Variants in FARS2 observed in about 807,000 individuals in gnomAD.
FARS2 encodes phenylalanyl-tRNA synthetase 2, mitochondrial.
Under a neutral mutation model 46.4 loss-of-function variants are expected in FARS2, and 40 were observed. The ratio of observed to expected loss-of-function variants is 0.86; its 90% CI spans 0.67 to 1.12. The LOEUF (loss-of-function observed/expected upper bound fraction) is 1.12. Among genes scored for constraint, FARS2 ranks in the 50% most tolerant of loss-of-function variants. The probability of loss-of-function intolerance (pLI) is 0.00; values close to 1 mark genes in which losing one functional copy is unlikely to be tolerated. For missense variants in FARS2, 513 were observed against 567.9 expected, an observed-to-expected ratio of 0.90 and a Z score of 0.98; for synonymous variants, 234 against 214.9, an observed-to-expected ratio of 1.09 and a Z score of -0.78.
intron 5 of FARS2, among the ~76,000 whole-genome samples, chr6:5,588,540 C>T (rs1432712859): frequency 2.6e-5 from 4 of 152,172 alleles, no homozygotes; most frequent in Non-Finnish European, 4.4e-5. Context: ...GCTGCCCTCT[C>T]CCTCCCCTGC....
chr6:5,260,690 G>A (rs768210600), upstream of FARS2: 2 of 1,547,952 alleles, frequency 1.3e-6, no homozygotes, highest in South Asian at 1.2e-5. Context: ...TCTCAGCATC[G>A]CCCGGTACAG....
In FARS2 at chr6:5,404,768, TG is replaced by T. The variant is rs1216889722; in HGVS notation, c.772+70del. ...ACTTGGGACAGAAGTGTTTTGGATT[TG>T]GGTTTTTTTTTTTTTTTTCATATTT... is the stretch of plus-strand genomic sequence containing the variant. On this transcript the variant is annotated intron_variant, in intron 3 of 6. Coordinates refer to ENST00000274680, the MANE Select transcript of FARS2 (RefSeq NM_006567.5). The T allele has an allele frequency of 1.1e-5, 12 of 1,054,288 alleles. No homozygotes were observed. The South Asian group carries it at 1.3e-4, about 11-fold the overall frequency. 65.3% of individuals were successfully genotyped at this position (1,054,288 alleles called of 1,614,324 possible). A position where few individuals can be genotyped will look rare whatever the true frequency, so the allele number is the denominator to read the frequency against.
chr6:5,617,741 T>C (rs1775550809), intron 6 of FARS2, among the ~76,000 whole-genome samples: 1 of 152,230 alleles, frequency 6.6e-6, no homozygotes, highest in Non-Finnish European at 1.5e-5. Flanking sequence ...CAATGGAGAC[T>C]GTATGGAGTG....
intron 1 of FARS2, among the ~76,000 whole-genome samples, chr6:5,268,737 A>C (rs1765728099): frequency 6.6e-6 from 1 of 152,148 alleles, no homozygotes. Flanking sequence ...CAATTCTGTG[A>C]AGAAAGTCAT....
intron 6 of FARS2, among the ~76,000 whole-genome samples, chr6:5,673,496 A>G (rs1290139925): frequency 1.3e-5 from 2 of 152,190 alleles, no homozygotes; most frequent in South Asian, 2.1e-4. Context: ...TACGATTACA[A>G]TGCTTTTATT....
At chr6:5,657,793 T>C (rs934906514) in intron 6 of FARS2, among the ~76,000 whole-genome samples, 3 of 152,156 alleles carry the variant, frequency 2.0e-5, no homozygotes, top group African/African-American at 7.2e-5. Context: ...TTATGGTCAG[T>C]AGTTTATAAA....
chr6:5,708,247 C>T (rs776040672), intron 6 of FARS2, among the ~76,000 whole-genome samples: 4 of 152,188 alleles, frequency 2.6e-5, no homozygotes, highest in African/African-American at 4.8e-5. Context: ...TAGATTTGCC[C>T]GGGAGATGGG....
chr6:5,521,552 C>A (rs1247537671), intron 4 of FARS2, among the ~76,000 whole-genome samples: 5 of 152,168 alleles, frequency 3.3e-5, no homozygotes, highest in Non-Finnish European at 7.3e-5. Context: ...CCTCTGTTTT[C>A]TTCCTGTAAT....
intron 6 of FARS2, among the ~76,000 whole-genome samples, chr6:5,622,615 A>G (rs1373046098): frequency 1.3e-5 from 2 of 152,114 alleles, no homozygotes; most frequent in Non-Finnish European, 2.9e-5. Flanking sequence ...CTTGGGGAGG[A>G]CACAGTGTTC....
intron 4 of FARS2, among the ~76,000 whole-genome samples, chr6:5,444,255 T>G (rs1764014374): frequency 6.6e-6 from 1 of 151,880 alleles, no homozygotes; most frequent in African/African-American, 2.4e-5. Flanking sequence ...GATCACAAGG[T>G]CAGGAGTTCG....
chr6:5,599,966 A>C (rs78047713), intron 5 of FARS2, among the ~76,000 whole-genome samples: 2,434 of 152,002 alleles, frequency 0.016, 74 homozygotes, highest in East Asian at 0.12. Flanking sequence ...CCCCATGAAG[A>C]TTTTGGAGCC....
At chr6:5,360,428 C>T (rs377534990) in intron 1 of FARS2, among the ~76,000 whole-genome samples, 1 of 152,180 alleles carries the variant, frequency 6.6e-6, no homozygotes, top group South Asian at 2.1e-4. Context: ...TACATGTCTA[C>T]AGGTAATTAC....
the FARS2 span, among the ~76,000 whole-genome samples, chr6:5,255,588 G>C: frequency 6.6e-6 from 1 of 152,056 alleles, no homozygotes; most frequent in South Asian, 2.1e-4. Context: ...AAAGGCCTAA[G>C]ACCAGTTAAG....
intron 6 of FARS2, among the ~76,000 whole-genome samples, chr6:5,731,936 C>T (rs180988560): frequency 1.3e-5 from 2 of 152,060 alleles, no homozygotes; most frequent in Admixed American, 6.5e-5. Flanking sequence ...TCACGCAGCC[C>T]GAGCTAGGAG....
chr6:5,631,056 G>A (rs545616994), intron 6 of FARS2, among the ~76,000 whole-genome samples: 3 of 152,252 alleles, frequency 2.0e-5, no homozygotes, highest in African/African-American at 7.2e-5. Context: ...ACAATACCAA[G>A]TATGCACAAT....
chr6:5,686,144 T>C (rs1757179662), intron 6 of FARS2, among the ~76,000 whole-genome samples: 1 of 152,196 alleles, frequency 6.6e-6, no homozygotes, highest in Non-Finnish European at 1.5e-5. Context: ...AATAGATGTC[T>C]GCAGAAGTCA....
At chr6:5,641,796 C>A (rs928912705) in intron 6 of FARS2, among the ~76,000 whole-genome samples, 1 of 152,148 alleles carries the variant, frequency 6.6e-6, no homozygotes, top group Non-Finnish European at 1.5e-5. Context: ...TCTCATACAC[C>A]GAGGCCTCTG....
intron 6 of FARS2, among the ~76,000 whole-genome samples, chr6:5,614,339 T>C (rs1775345165): frequency 6.6e-6 from 1 of 151,932 alleles, no homozygotes; most frequent in Non-Finnish European, 1.5e-5. Context: ...GTGTGTCATA[T>C]CTAAATTGTC....
chr6:5,554,636 C>A (rs1771552813), intron 5 of FARS2, among the ~76,000 whole-genome samples: 1 of 152,206 alleles, frequency 6.6e-6, no homozygotes, highest in Non-Finnish European at 1.5e-5. Flanking sequence ...TTGTTGAATG[C>A]TGTGTGTAAG....
Sources: allele counts gnomAD v4.1 joint callset (sites outside exome capture counted in the v4.1 genomes callset), GRCh38; gene constraint gnomAD v4.1.1; transcripts MANE v1.5; gene names NCBI Gene and HGNC (gene_info 2026-07-23, HGNC 2026-07-21).